Variants in DZANK1 observed in about 807,000 individuals in gnomAD.
DZANK1 encodes double zinc ribbon and ankyrin repeat domains 1, also known as double zinc ribbon and ankyrin repeat-containing protein 1.
A neutral mutation model predicts 94.5 loss-of-function variants in DZANK1; 91 were observed. The ratio of observed to expected loss-of-function variants is 0.96; its 90% CI spans 0.81 to 1.15. The LOEUF is 1.15. DZANK1 is among the 50% of genes most tolerant of loss of function. DZANK1 has a pLI of 0.00. For synonymous variants in DZANK1, 312 were observed against 325.3 expected (o/e 0.96, Z 0.44); for missense variants, 903 against 916.4 (o/e 0.99, Z 0.19).
intron 13 of DZANK1, among the ~76,000 whole-genome samples, chr20:18,412,078 T>C (rs1032694771): frequency 1.3e-5 from 2 of 152,132 alleles, no homozygotes; most frequent in African/African-American, 4.8e-5. Flanking sequence ...AGAGATTAAA[T>C]TTCAAAATGA....
intron 9 of DZANK1, among the ~76,000 whole-genome samples, chr20:18,428,204 T>C (rs1053144881): frequency 6.6e-6 from 1 of 151,488 alleles, no homozygotes; most frequent in African/African-American, 2.4e-5. Context: ...TTTTCTTTTT[T>C]TTGAGACGGA....
chr20:18,460,457 A>C lies in DZANK1; in HGVS notation c.110-151T>G, dbSNP rs558834054. ...TTTAAAGTTGTGACTTAGGACAGGC[A>C]TGTGGCTCACGCCTGTAATCCCAGC... On this transcript the variant is annotated intron_variant, in intron 2 of 20. Transcript: ENST00000262547. 2.4e-4 allele frequency among the ~76,000 whole-genome samples: 36 copies of C among 152,286 alleles called. 1 individual carries two copies. In the East Asian group the frequency reaches 6.9e-3, roughly 29 times the overall value.
intron 19 of DZANK1, among the ~76,000 whole-genome samples, chr20:18,387,577 A>T (rs571556295): frequency 6.6e-6 from 1 of 152,332 alleles, no homozygotes; most frequent in East Asian, 1.9e-4. Flanking sequence ...CAATGCAGTG[A>T]GGAAGGGCAG....
chr20:18,405,115 A>C (rs1408872460), intron 13 of DZANK1, among the ~76,000 whole-genome samples: 2 of 150,154 alleles, frequency 1.3e-5, no homozygotes, highest in Non-Finnish European at 3.0e-5. Context: ...AGCATTGCTC[A>C]AGCCCAGGAG....
chr20:18,394,134 G>A, intron 16 of DZANK1, 120 bp downstream of exon 16: 2 of 855,786 alleles, frequency 2.3e-6, no homozygotes, highest in Non-Finnish European at 3.6e-6. Flanking sequence ...TAAAACGTCT[G>A]GAACATAACT....
chr20:18,399,965 G>A (rs540349241), intron 13 of DZANK1, among the ~76,000 whole-genome samples: 1 of 152,350 alleles, frequency 6.6e-6, no homozygotes, highest in East Asian at 1.9e-4. Flanking sequence ...TGGTTCAGTG[G>A]AAAGAGAACA....
intron 8 of DZANK1, among the ~76,000 whole-genome samples, chr20:18,440,389 A>C (rs1186327416): frequency 6.6e-6 from 1 of 152,172 alleles, no homozygotes; most frequent in African/African-American, 2.4e-5. Flanking sequence ...GAATCTCTAT[A>C]AGGTGTGCAC....
intron 19 of DZANK1, among the ~76,000 whole-genome samples, chr20:18,387,257 T>TG (rs377199715): frequency 7.7e-4 from 117 of 152,272 alleles, no homozygotes; most frequent in African/African-American, 2.8e-3. Flanking sequence ...ATGTATTGCA[T>TG]GGGGGGTTTG....
intron 10 of DZANK1, among the ~76,000 whole-genome samples, chr20:18,419,821 C>G (rs1452271332): frequency 1.4e-5 from 2 of 145,370 alleles, no homozygotes; most frequent in African/African-American, 5.1e-5. Flanking sequence ...TGATACCAGA[C>G]AGAAACTCAG....
intron 3 of DZANK1, 51 bp from the exon 4 acceptor site, chr20:18,455,412 T>G (rs2059253264): frequency 7.7e-7 from 1 of 1,302,756 alleles, no homozygotes; most frequent in East Asian, 2.5e-5. Flanking sequence ...CAAAGATTTT[T>G]TAAAAAGTGG....
At chr20:18,444,185 C>T (rs1331588445) in intron 7 of DZANK1, among the ~76,000 whole-genome samples, 1 of 152,188 alleles carries the variant, frequency 6.6e-6, no homozygotes, top group African/African-American at 2.4e-5. Context: ...CGGATTGTCT[C>T]GTTGCCCACA....
chr20:18,425,550 CAA>C (rs1375707023), intron 10 of DZANK1, among the ~76,000 whole-genome samples: 17 of 105,170 alleles, frequency 1.6e-4, no homozygotes, highest in Non-Finnish European at 1.6e-4. Flanking sequence ...GACTCCATCT[CAA>C]AAAAAAAAAA....
At chr20:18,420,169 TA>T (rs1568941513) in intron 10 of DZANK1, 1 of 201,794 alleles carries the variant, frequency 5.0e-6, no homozygotes, top group East Asian at 1.2e-4. Flanking sequence ...GTCAGTGTTT[TA>T]AAGTCTCCAA....
At chr20:18,434,514 C>T (rs1400594441) in intron 8 of DZANK1, among the ~76,000 whole-genome samples, 1 of 138,418 alleles carries the variant, frequency 7.2e-6, no homozygotes, top group African/African-American at 2.7e-5. Flanking sequence ...CACTGCACTC[C>T]AGCCTGGGTG....
At chr20:18,431,181 CAA>C (rs1316320521) in intron 9 of DZANK1, among the ~76,000 whole-genome samples, 1 of 150,950 alleles carries the variant, frequency 6.6e-6, no homozygotes, top group African/African-American at 2.4e-5. Context: ...GTATCTTTGC[CAA>C]AGGTCAAATA....
chr20:18,405,169 C>T lies in DZANK1; in HGVS notation c.1433-6543G>A, dbSNP rs137930755. Among the ~76,000 whole-genome samples, 22 of 151,716 alleles carry T rather than the reference C, an allele frequency of 1.5e-4. No individual in the cohort carries two copies. In the East Asian group the frequency reaches 4.1e-3, roughly 28 times the overall value. ...TGTGATTTGTATCATTGCACTCCAGCCTGGGTAACAGAGCAAGACTCTGCC... is the reference window on the plus strand; with the variant it reads ...TGTGATTTGTATCATTGCACTCCAGTCTGGGTAACAGAGCAAGACTCTGCC... On this transcript the variant is annotated intron_variant, in intron 13 of 20. Transcript: ENST00000262547.
In DZANK1 at chr20:18,413,032, T is replaced by C. The variant is rs555658739; in HGVS notation, c.1243-197A>G. The C allele has an allele frequency of 1.5e-3, 957 of 632,946 alleles. 2 individuals are homozygous for C. Among genetic ancestry groups the C allele is most frequent in the Non-Finnish European group, 2.2e-3 (822 of 370,610 alleles). The allele number at this position is 632,946 out of a possible 1,614,324, so 39.2% of individuals were successfully genotyped here. A position where few individuals can be genotyped will look rare whatever the true frequency, so the allele number is the denominator to read the frequency against. Reference sequence around the variant, plus strand: ...CTTGCTCCTGTCTTTCTCAGCAACTTCCAGCCTGATCCAGGATTAGCCATT... The same window carrying C: ...CTTGCTCCTGTCTTTCTCAGCAACTCCCAGCCTGATCCAGGATTAGCCATT... On this transcript the variant is annotated intron_variant, in intron 12 of 20. Transcript: ENST00000262547.
At chr20:18,439,700 G>A (rs1424974242) in intron 8 of DZANK1, among the ~76,000 whole-genome samples, 1 of 152,176 alleles carries the variant, frequency 6.6e-6, no homozygotes, top group Non-Finnish European at 1.5e-5. Context: ...TTTTAAGGAT[G>A]CAGCTGCTCC....
intron 10 of DZANK1, among the ~76,000 whole-genome samples, chr20:18,425,029 G>A (rs775464310): frequency 8.5e-5 from 13 of 152,192 alleles, no homozygotes; most frequent in Non-Finnish European, 4.4e-5. Flanking sequence ...CAGGGAAGTG[G>A]CTCAACTAGA....
Sources: gnomAD v4.1 joint callset for allele counts (sites outside exome capture counted in the v4.1 genomes callset) on GRCh38, gnomAD v4.1.1 for gene constraint, MANE v1.5 for transcripts, NCBI Gene and HGNC (gene_info 2026-07-23, HGNC 2026-07-21) for gene names.